VAMP4: variants seen among roughly 807,000 people sequenced by gnomAD.
The protein encoded by VAMP4 is vesicle-associated membrane protein 4.
A neutral mutation model predicts 23.5 loss-of-function variants in VAMP4; 19 were observed. The observed-to-expected ratio is 0.81, with a 90% CI of 0.56 to 1.19. The LOEUF is 1.19. Ranked by LOEUF, VAMP4 falls within the 50% of genes most tolerant of loss-of-function variation. The pLI is 0.00. For missense variants in VAMP4, 145 were observed against 168.6 expected (o/e 0.86, Z 0.78); for synonymous variants, 31 against 51.0 (o/e 0.61, Z 1.67).
In VAMP4 at chr1:171,700,470, T is replaced by A. The variant is rs1654390012; in HGVS notation, c.*4036A>T. 6.6e-6 allele frequency: 1 copy of A among 152,236 alleles called. No homozygotes were observed. The highest frequency in any genetic ancestry group is 1.5e-5 in the Non-Finnish European group (1 of 68,034). 9.4% of individuals were successfully genotyped at this position (152,236 alleles called of 1,614,324 possible). A position where few individuals can be genotyped will look rare whatever the true frequency, so the allele number is the denominator to read the frequency against. ...GTTTGATTTCTAACATTTTACTGAC[T>A]AAAATCTCTGCTAATTATGTAATCT... On this transcript the variant is annotated 3_prime_UTR_variant, in exon 8 of 8. Transcript: ENST00000236192.
rs535250994 is a variant in VAMP4 at position 171,707,247 on chromosome 1, T to C, written c.346-829A>G. On this transcript the variant is annotated intron_variant, in intron 6 of 7. Coordinates refer to ENST00000236192, the MANE Select transcript of VAMP4 (RefSeq NM_003762.5). Reference sequence around the variant, plus strand: ...CTCTTTCCCCACCTATGGATAATTTTATTAACTCATTTATTTTTAAAGCCA... The same window carrying C: ...CTCTTTCCCCACCTATGGATAATTTCATTAACTCATTTATTTTTAAAGCCA... Among the ~76,000 whole-genome samples, 7 of 152,328 alleles carry C rather than the reference T, an allele frequency of 4.6e-5. No individual in the cohort carries two copies. In the South Asian group the frequency reaches 1.4e-3, roughly 32 times the overall value.
chr1:171,719,835 C>T (rs1305379220), intron 3 of VAMP4, among the ~76,000 whole-genome samples: 35 of 151,954 alleles, frequency 2.3e-4, no homozygotes, highest in Admixed American at 2.2e-3. Context: ...GTGTATATCA[C>T]ACCTTAACCA....
chr1:171,725,302 T>C (rs1310472014), intron 3 of VAMP4, among the ~76,000 whole-genome samples: 1 of 152,184 alleles, frequency 6.6e-6, no homozygotes, highest in Non-Finnish European at 1.5e-5. Flanking sequence ...ATTTATGTAT[T>C]CAATAGTGAG....
intron 1 of VAMP4, among the ~76,000 whole-genome samples, chr1:171,740,477 T>G (rs890477279): frequency 3.3e-5 from 5 of 152,248 alleles, no homozygotes; most frequent in Non-Finnish European, 5.9e-5. Context: ...TTTTCTTTGA[T>G]AAGAAATGCT....
intron 4 of VAMP4, among the ~76,000 whole-genome samples, chr1:171,715,430 A>G (rs1437713357): frequency 6.6e-6 from 1 of 152,202 alleles, no homozygotes; most frequent in African/African-American, 2.4e-5. Context: ...GGTATAATGT[A>G]GAGCCCCTGG....
intron 3 of VAMP4, among the ~76,000 whole-genome samples, chr1:171,723,515 A>G (rs1655267674): frequency 2.0e-5 from 3 of 152,116 alleles, no homozygotes; most frequent in African/African-American, 7.2e-5. Context: ...TATTTCTCCT[A>G]TTTGCTTTTG....
intron 3 of VAMP4, among the ~76,000 whole-genome samples, chr1:171,724,554 A>C (rs1046760193): frequency 3.8e-4 from 58 of 152,262 alleles, no homozygotes; most frequent in Admixed American, 1.3e-3. Context: ...ACTACAAAAC[A>C]CTGCTGAGAG....
intron 2 of VAMP4, among the ~76,000 whole-genome samples, chr1:171,732,433 A>T (rs1303391566): frequency 6.6e-6 from 1 of 151,942 alleles, no homozygotes; most frequent in Non-Finnish European, 1.5e-5. Flanking sequence ...GCTATTCAGC[A>T]GGCTGATATG....
intron 3 of VAMP4, among the ~76,000 whole-genome samples, chr1:171,727,333 T>C (rs1655408318): frequency 6.8e-6 from 1 of 147,184 alleles, no homozygotes; most frequent in African/African-American, 2.5e-5. Context: ...CCAAAGAAGG[T>C]AAGAGGACGA....
intron 7 of VAMP4, among the ~76,000 whole-genome samples, chr1:171,706,022 TTAGACCTTAGTGTAATAGGAA>T (rs1043035087): frequency 1.3e-5 from 2 of 152,010 alleles, no homozygotes; most frequent in African/African-American, 4.8e-5. Context: ...AATGAGTATT[TTAGACCTTAGTGTAATAGGAA>T]CCAGATTTGG....
At chr1:171,741,086 G>A (rs1379325799) in intron 1 of VAMP4, among the ~76,000 whole-genome samples, 1 of 152,206 alleles carries the variant, frequency 6.6e-6, no homozygotes, top group Non-Finnish European at 1.5e-5. Context: ...AGGTATACAT[G>A]TAAATAAGAG....
intron 3 of VAMP4, among the ~76,000 whole-genome samples, chr1:171,720,895 A>C (rs538699663): frequency 7.2e-5 from 11 of 152,136 alleles, no homozygotes; most frequent in Admixed American, 1.3e-4. Flanking sequence ...TCTAATGAAC[A>C]TAGATGCAAA....
chr1:171,703,423 GTGTATATATATATATA>G lies in VAMP4; in HGVS notation c.*1067_*1082del, dbSNP rs1414185358. On this transcript the variant is annotated 3_prime_UTR_variant, in exon 8 of 8. Coordinates refer to ENST00000236192, the MANE Select transcript of VAMP4 (RefSeq NM_003762.5). Reference sequence around the variant, plus strand: ...TGTGTGTGTGTGTGTGTGTGTTTGTGTGTATATATATATATATATATATATATATATATATATATAT... The same window carrying G: ...TGTGTGTGTGTGTGTGTGTGTTTGTGTATATATATATATATATATATATAT... The G allele has an allele frequency of 4.3e-4, 35 of 81,932 alleles. No homozygotes were observed. In the East Asian group the frequency reaches 5.3e-3, roughly 12 times the overall value. The allele number at this position is 81,932 out of a possible 1,614,324, so 5.1% of individuals were successfully genotyped here. A position where few individuals can be genotyped will look rare whatever the true frequency, so the allele number is the denominator to read the frequency against.
chr1:171,709,946 C>G (rs1654794704), intron 5 of VAMP4, among the ~76,000 whole-genome samples: 4 of 151,998 alleles, frequency 2.6e-5, no homozygotes, highest in African/African-American at 9.7e-5. Flanking sequence ...AAGCAAAAAA[C>G]AGCTTGCAGA....
chr1:171,717,194 C>T (rs1655047812), intron 4 of VAMP4, among the ~76,000 whole-genome samples: 1 of 152,136 alleles, frequency 6.6e-6, no homozygotes, highest in African/African-American at 2.4e-5. Context: ...ACAGAGCATA[C>T]TGGCAGGACA....
chr1:171,733,605 T>G (rs1476725053), intron 2 of VAMP4, among the ~76,000 whole-genome samples: 2 of 152,164 alleles, frequency 1.3e-5, no homozygotes, highest in African/African-American at 2.4e-5. Flanking sequence ...ACACAAGTGC[T>G]AGGGATACAG....
chr1:171,721,773 G>A (rs1655201514), intron 3 of VAMP4, among the ~76,000 whole-genome samples: 1 of 152,086 alleles, frequency 6.6e-6, no homozygotes, highest in Admixed American at 6.6e-5. Flanking sequence ...ACAAATGGAA[G>A]AACATTCCAT....
In VAMP4 at chr1:171,704,631, A is replaced by C. The variant is rs182589880; in HGVS notation, c.398-97T>G. On this transcript the variant is annotated intron_variant, in intron 7 of 7. Transcript: ENST00000236192. The stretch of plus-strand genomic sequence containing the variant: ...TAAATGTAGTTGTGTCTACTTTTAG[A>C]AATGGGTAATGAGGATTGACTGAAC... The C allele has an allele frequency of 2.3e-4, 223 of 954,022 alleles. 1 individual carries two copies. The African/African-American group carries it at 3.6e-3, about 15-fold the overall frequency. The allele number at this position is 954,022 out of a possible 1,614,324, so 59.1% of individuals were successfully genotyped here.
rs572704834 is a variant in VAMP4 at position 171,733,406 on chromosome 1, AC to A, written c.67-4837del. Among the ~76,000 whole-genome samples the A allele has an allele frequency of 3.6e-3, 547 of 152,006 alleles. 1 individual carries two copies. Among genetic ancestry groups the A allele is most frequent in the Non-Finnish European group, 6.1e-3 (415 of 67,952 alleles). On this transcript the variant is annotated intron_variant, in intron 2 of 7. Coordinates refer to ENST00000236192, the MANE Select transcript of VAMP4 (RefSeq NM_003762.5). The stretch of plus-strand genomic sequence containing the variant: ...CTTGAGCCCAGGAGGAGGCTGCAGA[AC>A]CCTGATCGTGCCACTGCATTCCAGC...
Sources: allele counts gnomAD v4.1 joint callset (sites outside exome capture counted in the v4.1 genomes callset), GRCh38; gene constraint gnomAD v4.1.1; transcripts MANE v1.5; gene names NCBI Gene and HGNC (gene_info 2026-07-23, HGNC 2026-07-21).